Variants in ANKRD6 observed in about 807,000 individuals in gnomAD.
The protein encoded by ANKRD6 is ankyrin repeat domain 6.
ANKRD6 carries 56 observed loss-of-function variants against 82.3 expected under a neutral mutation model. The observed-to-expected ratio is 0.68, with a 90% CI of 0.55 to 0.85. ANKRD6 has a LOEUF of 0.85. Among genes scored for constraint, ANKRD6 ranks in the 40% least tolerant of loss-of-function variants. The pLI, the probability that ANKRD6 is intolerant of heterozygous loss-of-function variation, is 0.00. For synonymous variants in ANKRD6, 347 were observed against 352.1 expected (o/e 0.99, Z 0.16); for missense variants, 852 against 907.6 (o/e 0.94, Z 0.79).
intron 1 of ANKRD6, among the ~76,000 whole-genome samples, chr6:89,451,989 G>C (rs779072688): frequency 2.0e-5 from 3 of 152,180 alleles, no homozygotes; most frequent in Non-Finnish European, 2.9e-5. Context: ...ATGAGGCCAG[G>C]AGTTCAAAAC....
At chr6:89,581,900 G>T (rs1243507103) in intron 2 of ANKRD6, among the ~76,000 whole-genome samples, 2 of 152,196 alleles carry the variant, frequency 1.3e-5, no homozygotes, top group African/African-American at 4.8e-5. Flanking sequence ...TGTGGAGCAG[G>T]TGTCTTTTCA....
At chr6:89,623,055 C>A (rs1804176811) in intron 10 of ANKRD6, among the ~76,000 whole-genome samples, 1 of 150,462 alleles carries the variant, frequency 6.6e-6, no homozygotes. Flanking sequence ...CATCCGAGGT[C>A]AAAGAATGAG....
At chr6:89,540,219 A>G (rs537555722) in intron 1 of ANKRD6, among the ~76,000 whole-genome samples, 186 of 152,234 alleles carry the variant, frequency 1.2e-3, no homozygotes, top group African/African-American at 4.2e-3. Context: ...ACTGTTCTCC[A>G]TAGTGGTTGT....
intron 6 of ANKRD6, among the ~76,000 whole-genome samples, chr6:89,612,988 T>C (rs970298168): frequency 6.6e-6 from 1 of 152,242 alleles, no homozygotes; most frequent in African/African-American, 2.4e-5. Context: ...GGTAGACTCA[T>C]CTAATGCTCT....
intron 12 of ANKRD6, 128 bp downstream of exon 12, chr6:89,624,185 G>T: frequency 9.1e-7 from 1 of 1,101,880 alleles, no homozygotes; most frequent in Non-Finnish European, 1.3e-6. Flanking sequence ...TTGAAGGTAA[G>T]CCAGATGGCC....
Position 89,612,326 on chromosome 6 carries a change from C to G in ANKRD6, c.472C>G (p.Arg158Gly). Reference sequence around the variant, plus strand: ...CCAGAACAGCCACTCCCAGAGCACGCGCGTCCTCCTGCTGGCCGGGTCCCG... The same window carrying G: ...CCAGAACAGCCACTCCCAGAGCACGGGCGTCCTCCTGCTGGCCGGGTCCCG... ...ACQNSHSQSTRVLLLAGSRAD... is the reference protein window; with the variant it reads ...ACQNSHSQSTGVLLLAGSRAD... Residue 158 changes from arginine (R) to glycine (G), a missense_variant, in exon 6 of 16, where the codon CGC becomes GGC. Arg to Gly is a moderately radical substitution (Grantham distance 125). Transcript: ENST00000339746. The G allele has an allele frequency of 6.4e-7, 1 of 1,566,154 alleles. No homozygotes were observed. Among genetic ancestry groups the G allele is most frequent in the South Asian group, 1.2e-5 (1 of 84,832 alleles).
chr6:89,539,048 A>G (rs948673562), intron 1 of ANKRD6, among the ~76,000 whole-genome samples: 2 of 152,202 alleles, frequency 1.3e-5, no homozygotes, highest in East Asian at 3.8e-4. Context: ...TGTTCATTAA[A>G]AGAAGATCCA....
intron 1 of ANKRD6, among the ~76,000 whole-genome samples, chr6:89,529,266 A>T (rs1423754789): frequency 6.6e-6 from 1 of 152,248 alleles, no homozygotes; most frequent in African/African-American, 2.4e-5. Context: ...TAGATAACTT[A>T]CTGTAACTTC....
intron 1 of ANKRD6, among the ~76,000 whole-genome samples, chr6:89,482,269 A>G (rs1776896788): frequency 6.6e-6 from 1 of 152,202 alleles, no homozygotes; most frequent in African/African-American, 2.4e-5. Flanking sequence ...AGGGAATGGG[A>G]TCCAGTGAGC....
chr6:89,441,644 T>TTTTC (rs1311266533), intron 1 of ANKRD6, among the ~76,000 whole-genome samples: 2 of 146,692 alleles, frequency 1.4e-5, no homozygotes, highest in African/African-American at 5.1e-5. Flanking sequence ...TTTTTTTTTT[T>TTTTC]TTTGAGAGAC....
At chr6:89,550,684 G>A (rs143043994) in intron 1 of ANKRD6, among the ~76,000 whole-genome samples, 1,641 of 152,200 alleles carry the variant, frequency 0.011, 43 homozygotes, top group African/African-American at 0.036. Context: ...GGCCAGGTGC[G>A]GTGTCTCACA....
chr6:89,461,878 T>C (rs1465639752), intron 1 of ANKRD6, among the ~76,000 whole-genome samples: 1 of 152,146 alleles, frequency 6.6e-6, no homozygotes, highest in Non-Finnish European at 1.5e-5. Context: ...AAAATATAAC[T>C]ATTATATTTA....
At chr6:89,595,101 T>C (rs1583576041) in intron 2 of ANKRD6, among the ~76,000 whole-genome samples, 1 of 152,110 alleles carries the variant, frequency 6.6e-6, no homozygotes, top group Non-Finnish European at 1.5e-5. Context: ...TGGTGGCTCA[T>C]GCCTGTAATC....
chr6:89,538,058 C>T (rs993933035), intron 1 of ANKRD6, among the ~76,000 whole-genome samples: 17 of 152,104 alleles, frequency 1.1e-4, no homozygotes. Context: ...AAAACATAAC[C>T]ACAATATCTT....
intron 1 of ANKRD6, among the ~76,000 whole-genome samples, chr6:89,486,308 G>T (rs1039082232): frequency 6.6e-6 from 1 of 152,128 alleles, no homozygotes; most frequent in Non-Finnish European, 1.5e-5. Flanking sequence ...CAGTAATGGT[G>T]CTGGGACATT....
At chr6:89,583,186 G>C (rs958450906) in intron 2 of ANKRD6, among the ~76,000 whole-genome samples, 3 of 152,164 alleles carry the variant, frequency 2.0e-5, no homozygotes, top group Non-Finnish European at 2.9e-5. Context: ...TTCCATGCAG[G>C]GCAGGACAAC....
At chr6:89,547,577 G>A (rs1445257976) in intron 1 of ANKRD6, among the ~76,000 whole-genome samples, 4 of 152,106 alleles carry the variant, frequency 2.6e-5, no homozygotes, top group African/African-American at 9.7e-5. Flanking sequence ...AGCGGGGCTC[G>A]GGAAACAACT....
intron 1 of ANKRD6, among the ~76,000 whole-genome samples, chr6:89,544,865 A>T (rs1239676927): frequency 6.6e-6 from 1 of 152,158 alleles, no homozygotes; most frequent in Admixed American, 6.5e-5. Flanking sequence ...GCTGCCTCAG[A>T]TGAGGTCTTT....
chr6:89,604,462 CTTACT>C (rs1389724435), intron 4 of ANKRD6, among the ~76,000 whole-genome samples: 1 of 115,998 alleles, frequency 8.6e-6, no homozygotes, highest in Non-Finnish European at 1.9e-5. Context: ...TCAGCCTCTG[CTTACT>C]TTTTTTTTTT....
Sources: gnomAD v4.1 joint callset for allele counts (sites outside exome capture counted in the v4.1 genomes callset) on GRCh38, gnomAD v4.1.1 for gene constraint, MANE v1.5 for transcripts, NCBI Gene and HGNC (gene_info 2026-07-23, HGNC 2026-07-21) for gene names.